The following ASAH2 variants were observed in gnomAD, a reference collection of about 807,000 sequenced individuals.
ASAH2 encodes the protein N-acylsphingosine amidohydrolase 2, also known as neutral ceramidase.
ASAH2 carries 58 observed loss-of-function variants against 82.9 expected under a neutral mutation model. The observed-to-expected ratio is 0.70, with a 90% CI of 0.57 to 0.87. ASAH2 has a LOEUF of 0.87. Ranked by LOEUF, ASAH2 falls within the 40% of genes least tolerant of loss-of-function variation. The probability of loss-of-function intolerance (pLI) is 0.00; values close to 1 mark genes in which losing one functional copy is unlikely to be tolerated. For synonymous variants in ASAH2, 276 were observed against 289.7 expected, an observed-to-expected ratio of 0.95 and a Z score of 0.48; for missense variants, 779 against 834.0, an observed-to-expected ratio of 0.93 and a Z score of 0.81.
chr10:50,248,648 T>C lies in ASAH2; in HGVS notation c.-36-2A>G, dbSNP rs1391766312. The C allele has an allele frequency of 1.3e-6, 2 of 1,594,690 alleles. No individual in the cohort carries two copies. The highest frequency in any genetic ancestry group is 1.7e-4 in the Middle Eastern group (1 of 5,988). ...ACAGCAGAGATGGAAGAAGAAATAC[T>C]GAAGAGGAAGAAATCACAAATTAAA... On this transcript the variant is annotated splice_acceptor_variant, in intron 1 of 20. Coordinates refer to ENST00000682911, the MANE Select transcript of ASAH2 (RefSeq NM_019893.4). LOFTEE classifies it low-confidence loss of function (5UTR_SPLICE).
intron 7 of ASAH2, among the ~76,000 whole-genome samples, chr10:50,223,641 A>G (rs2133216874): frequency 6.6e-6 from 1 of 152,332 alleles, no homozygotes; most frequent in African/African-American, 2.4e-5. Context: ...AGTGTCACTC[A>G]AAAATGCATG....
intron 15 of ASAH2, 68 bp downstream of exon 15, chr10:50,203,572 G>A: frequency 7.6e-7 from 1 of 1,318,654 alleles, no homozygotes; most frequent in Non-Finnish European, 1.1e-6. Flanking sequence ...TAGGATCATA[G>A]GGATAGGATA....
intron 9 of ASAH2, 47 bp downstream of exon 9, chr10:50,214,696 G>A: frequency 1.9e-6 from 3 of 1,603,662 alleles, no homozygotes; most frequent in South Asian, 1.1e-5. Context: ...AACATAAAAT[G>A]TATTTGAGAT....
intron 7 of ASAH2, among the ~76,000 whole-genome samples, chr10:50,231,452 G>A (rs1159937683): frequency 2.0e-5 from 3 of 152,074 alleles, no homozygotes; most frequent in Non-Finnish European, 4.4e-5. Context: ...AACTCCCACA[G>A]CATTATTTAT....
intron 2 of ASAH2, among the ~76,000 whole-genome samples, chr10:50,247,874 C>T (rs959133427): frequency 6.6e-6 from 1 of 152,100 alleles, no homozygotes; most frequent in African/African-American, 2.4e-5. Context: ...ATTCCAATTT[C>T]CAGGTTCTCT....
In ASAH2 at chr10:50,234,622, T is replaced by G. The variant is rs1846102713; in HGVS notation, c.688-70A>C. ...GGTGGGGACAATAACTTAGTCAATA[T>G]AAACAGAAGAGCCCTGTGAACAATT... is the stretch of plus-strand genomic sequence containing the variant. On this transcript the variant is annotated intron_variant, in intron 5 of 20. Coordinates refer to ENST00000682911, the MANE Select transcript of ASAH2 (RefSeq NM_019893.4). 49 of 1,603,818 alleles carry G rather than the reference T, an allele frequency of 3.1e-5. 6 individuals carry two copies. The South Asian group carries it at 5.2e-4, about 17-fold the overall frequency.
chr10:50,202,174 C>T (rs1222086154), intron 16 of ASAH2, among the ~76,000 whole-genome samples: 6 of 151,980 alleles, frequency 3.9e-5, no homozygotes, highest in African/African-American at 1.5e-4. Flanking sequence ...GAATATTTAC[C>T]AAGGGGTAGA....
At chr10:50,246,320 G>A (rs950255234) in intron 2 of ASAH2, among the ~76,000 whole-genome samples, 2 of 152,162 alleles carry the variant, frequency 1.3e-5, no homozygotes, top group African/African-American at 4.8e-5. Flanking sequence ...TCCTGGGGCT[G>A]TTTTGAACAA....
intron 1 of ASAH2, among the ~76,000 whole-genome samples, chr10:50,249,501 C>T (rs1346220912): frequency 2.6e-5 from 4 of 152,162 alleles, no homozygotes; most frequent in Non-Finnish European, 2.9e-5. Context: ...CTGACTCCAG[C>T]AGTCAAATTT....
At position 50,237,038 on chromosome 10, in the gene ASAH2, G is replaced by A. The variant is rs1242183019; in HGVS notation, c.511-974C>T. Among the ~76,000 whole-genome samples the A allele has an allele frequency of 2.6e-5, 4 of 152,156 alleles. No individual in the cohort carries two copies. In the East Asian group the frequency reaches 5.8e-4, roughly 22 times the overall value. ...AGGAAAAAGAAAGTAGTGGGTGTTA[G>A]TGAGGAAAGATCTTCTAATGAGGGG... On this transcript the variant is annotated intron_variant, in intron 4 of 20. Coordinates refer to ENST00000682911, the MANE Select transcript of ASAH2 (RefSeq NM_019893.4).
At position 50,187,114 on chromosome 10, in the gene ASAH2, T is replaced by TCA. The variant is rs1844768000; in HGVS notation, c.*200_*201insTG. On this transcript the variant is annotated 3_prime_UTR_variant, in exon 21 of 21. Transcript: ENST00000682911. ...CTCTCTCTCTCTCTCTCTCTCTCTC[T>TCA]CTCTCACACACACACACACACACAC... The TCA allele has an allele frequency of 1.3e-4, 34 of 261,968 alleles. No individual in the cohort carries two copies. The highest frequency in any genetic ancestry group is 2.1e-4 in the Admixed American group (3 of 14,160). The allele number at this position is 261,968 out of a possible 1,614,324, so 16.2% of individuals were successfully genotyped here. A position where few individuals can be genotyped will look rare whatever the true frequency, so the allele number is the denominator to read the frequency against.
intron 5 of ASAH2, among the ~76,000 whole-genome samples, chr10:50,235,449 A>G (rs1846133918): frequency 6.6e-6 from 1 of 152,134 alleles, no homozygotes; most frequent in Non-Finnish European, 1.5e-5. Flanking sequence ...TATCTATACT[A>G]GAGAACTTGA....
chr10:50,251,059 C>T (rs917237827), intron 1 of ASAH2, among the ~76,000 whole-genome samples: 9 of 152,174 alleles, frequency 5.9e-5, no homozygotes, highest in African/African-American at 2.2e-4. Flanking sequence ...CAGATGCCTT[C>T]CCTGCCTTTA....
At chr10:50,238,358 C>T (rs1463340403) in intron 4 of ASAH2, among the ~76,000 whole-genome samples, 1 of 152,174 alleles carries the variant, frequency 6.6e-6, no homozygotes, top group African/African-American at 2.4e-5. Context: ...TCATTAACCT[C>T]TCCTTGTCCC....
intron 4 of ASAH2, among the ~76,000 whole-genome samples, chr10:50,242,218 G>A (rs1469509678): frequency 6.6e-6 from 1 of 151,872 alleles, no homozygotes; most frequent in Non-Finnish European, 1.5e-5. Context: ...GTGCAGAAGT[G>A]GGGAAAACAC....
intron 7 of ASAH2, among the ~76,000 whole-genome samples, chr10:50,230,074 G>A (rs1845985755): frequency 6.6e-6 from 1 of 152,110 alleles, no homozygotes; most frequent in Non-Finnish European, 1.5e-5. Context: ...GTCTCAGAGA[G>A]TTTAATGGAT....
intron 7 of ASAH2, among the ~76,000 whole-genome samples, chr10:50,227,112 C>T (rs1013991989): frequency 0.55 from 84,150 of 151,968 alleles, 28,247 homozygotes; most frequent in Non-Finnish European, 0.76. Context: ...ACTAAATTCA[C>T]TTAAAAAACA....
At chr10:50,229,323 A>G (rs1589347156) in intron 7 of ASAH2, among the ~76,000 whole-genome samples, 1 of 151,414 alleles carries the variant, frequency 6.6e-6, no homozygotes, top group African/African-American at 2.4e-5. Flanking sequence ...ATGTCTGGAG[A>G]AAAAAAAACA....
chr10:50,202,361 G>T (rs1032033468), intron 16 of ASAH2, among the ~76,000 whole-genome samples: 9 of 151,900 alleles, frequency 5.9e-5, no homozygotes, highest in Non-Finnish European at 1.2e-4. Context: ...CAAACTCTCT[G>T]GGACTCTGTT....
Sources: allele counts gnomAD v4.1 joint callset (sites outside exome capture counted in the v4.1 genomes callset), GRCh38; gene constraint gnomAD v4.1.1; transcripts MANE v1.5; gene names NCBI Gene and HGNC (gene_info 2026-07-23, HGNC 2026-07-21).